Variants in MAML1 observed in about 807,000 individuals in gnomAD.
MAML1 encodes mastermind-like protein 1.
Under a neutral mutation model 77.1 loss-of-function variants are expected in MAML1, and 14 were observed. The ratio of observed to expected loss-of-function variants is 0.18; its 90% CI spans 0.12 to 0.28. The LOEUF (loss-of-function observed/expected upper bound fraction) is 0.28, where lower values mean the gene tolerates loss of function less well. Ranked by LOEUF, MAML1 falls within the 10% of genes least tolerant of loss-of-function variation. MAML1 has a pLI of 1.00. For missense variants in MAML1, 1,217 were observed against 1,327.8 expected, an observed-to-expected ratio of 0.92 and a Z score of 1.30; for synonymous variants, 516 against 551.9, an observed-to-expected ratio of 0.93 and a Z score of 0.91.
intron 1 of MAML1, among the ~76,000 whole-genome samples, chr5:179,743,836 G>A (rs1186137942): frequency 6.6e-6 from 1 of 151,860 alleles, no homozygotes; most frequent in East Asian, 1.9e-4. Context: ...TCTTATAATT[G>A]CTACATATAT....
chr5:179,749,708 G>A (rs973917933), intron 1 of MAML1, among the ~76,000 whole-genome samples: 3 of 152,178 alleles, frequency 2.0e-5, no homozygotes, highest in Non-Finnish European at 4.4e-5. Flanking sequence ...GGCCTGGGAG[G>A]CCCACAGAGG....
At chr5:179,748,950 GT>G (rs71276885) in intron 1 of MAML1, among the ~76,000 whole-genome samples, 5,555 of 107,906 alleles carry the variant, frequency 0.051, 119 homozygotes, top group African/African-American at 0.062. Context: ...AGGTGTTTTT[GT>G]TTTTTTTTTT....
chr5:179,741,683 CAA>C (rs10617185), intron 1 of MAML1, among the ~76,000 whole-genome samples: 22,966 of 88,936 alleles, frequency 0.26, 1,760 homozygotes, highest in Non-Finnish European at 0.32. Context: ...GAGACTGTCT[CAA>C]AAAAAAAAAA....
rs775301085 is a variant in MAML1, at chr5:179,732,918, C to T, written c.-195C>T. On this transcript the variant is annotated 5_prime_UTR_variant, in exon 1 of 5. Coordinates refer to ENST00000292599, the MANE Select transcript of MAML1 (RefSeq NM_014757.5). Reference sequence around the variant, plus strand: ...GGGAGAGGCCGAGGCTTGAGGTAGGCAGCAAGCGCCGGCTGGGGGTCGGGC... The same window carrying T: ...GGGAGAGGCCGAGGCTTGAGGTAGGTAGCAAGCGCCGGCTGGGGGTCGGGC... 41 of 289,478 alleles carry T rather than the reference C, an allele frequency of 1.4e-4. No individual in the cohort carries two copies. The highest frequency in any genetic ancestry group is 2.1e-4 in the Non-Finnish European group (34 of 158,140). 17.9% of individuals were successfully genotyped at this position (289,478 alleles called of 1,614,324 possible).
At chr5:179,735,662 A>G (rs553974984) in intron 1 of MAML1, among the ~76,000 whole-genome samples, 2 of 151,246 alleles carry the variant, frequency 1.3e-5, no homozygotes, top group South Asian at 2.1e-4. Context: ...AAGTGCTGGG[A>G]TTACAGGTGT....
rs1220546122 is a variant in MAML1 at position 179,775,370 on chromosome 5, A to T, written c.*493A>T. 1 of 984,830 alleles carries T rather than the reference A, an allele frequency of 1.0e-6. No homozygotes were observed. The highest frequency in any genetic ancestry group is 6.1e-5 in the Admixed American group (1 of 16,282). The allele number at this position is 984,830 out of a possible 1,614,324, so 61.0% of individuals were successfully genotyped here. A position where few individuals can be genotyped will look rare whatever the true frequency, so the allele number is the denominator to read the frequency against. The stretch of plus-strand genomic sequence containing the variant: ...AAAAGGTTTTTAAACAGATTAGGGT[A>T]GGTGATGGTTTAAATCAATTAAGTG... On this transcript the variant is annotated 3_prime_UTR_variant, in exon 5 of 5. Coordinates refer to ENST00000292599, the MANE Select transcript of MAML1 (RefSeq NM_014757.5).
chr5:179,752,096 G>A (rs1264482787), intron 1 of MAML1, among the ~76,000 whole-genome samples: 1 of 151,926 alleles, frequency 6.6e-6, no homozygotes, highest in Non-Finnish European at 1.5e-5. Context: ...GGGAGGCCGA[G>A]GTGGGTGGAT....
chr5:179,759,648 A>C (rs575799887), intron 1 of MAML1, among the ~76,000 whole-genome samples: 39 of 152,302 alleles, frequency 2.6e-4, no homozygotes, highest in African/African-American at 9.1e-4. Context: ...TGTCCTGTGG[A>C]CATACAGGGA....
chr5:179,766,358 G>A lies in MAML1; in HGVS notation c.1348G>A (p.Ala450Thr), dbSNP rs773562492. ...LDVPYPMEKP[A>T]SPSSYKQDFT... ...TGTCCCTTACCCCATGGAGAAGCCT[G>A]CCAGCCCTTCCAGCTACAAGCAAGA... The change falls in exon 2 of 5, where the codon GCC becomes ACC. Residue 450 changes from alanine (A) to threonine (T), a missense_variant. Coordinates refer to ENST00000292599, the MANE Select transcript of MAML1 (RefSeq NM_014757.5). The surrounding 1 kb of genome is among the most constrained non-coding windows in gnomAD (Gnocchi z 4.0). 1 of 1,605,958 alleles carries A rather than the reference G, an allele frequency of 6.2e-7. No individual in the cohort carries two copies. Among genetic ancestry groups the A allele is most frequent in the East Asian group, 2.2e-5 (1 of 44,772 alleles).
rs529252750 is a variant in MAML1 at position 179,774,472 on chromosome 5, C to G, written c.2646C>G (p.Ser882=). 6 of 1,613,332 alleles carry G rather than the reference C, an allele frequency of 3.7e-6. No individual in the cohort carries two copies. The African/African-American group carries it at 6.7e-5, about 18-fold the overall frequency. The part of the protein sequence containing the change: ...AHLKMSSPQF[S]QAVPNRPMAP... ...TGAAAATGTCTAGCCCGCAATTCTC[C>G]CAGGCAGTGCCCAACAGGCCCATGG... The change falls in exon 5 of 5, where the codon TCC becomes TCG. Residue 882 remains serine (S), a synonymous_variant. Transcript: ENST00000292599.
At chr5:179,746,574 C>T (rs1002328762) in intron 1 of MAML1, among the ~76,000 whole-genome samples, 53 of 151,868 alleles carry the variant, frequency 3.5e-4, no homozygotes, top group African/African-American at 1.2e-3. Context: ...GGTTTCTCCA[C>T]GTTGGTCAGG....
intron 1 of MAML1, among the ~76,000 whole-genome samples, chr5:179,747,808 C>CAAAAAAAAAAAAAAAA (rs71001044): frequency 2.4e-5 from 1 of 40,894 alleles, no homozygotes; most frequent in Non-Finnish European, 4.1e-5. Context: ...GACTCCATCT[C>CAAAAAAAAAAAAAAAA]AAAAAAAAAA....
rs1779109891 is a variant in MAML1 at position 179,733,487 on chromosome 5, C to T, written c.315+60C>T. 1.1e-5 allele frequency: 12 copies of T among 1,073,022 alleles called. No individual in the cohort carries two copies. In the South Asian group the frequency reaches 3.5e-4, roughly 32 times the overall value. 66.5% of individuals were successfully genotyped at this position (1,073,022 alleles called of 1,614,324 possible). ...GCAGCCCCCTCTCCCGAAAACGCTT[C>T]CTCTGACGCGGATCGGGCCGCTGGG... On this transcript the variant is annotated intron_variant, in intron 1 of 4. Transcript: ENST00000292599.
chr5:179,740,993 G>C (rs1779273871), intron 1 of MAML1, among the ~76,000 whole-genome samples: 1 of 152,152 alleles, frequency 6.6e-6, no homozygotes, highest in African/African-American at 2.4e-5. Flanking sequence ...CCCCAGTCCA[G>C]ATCTGTCTTC....
intron 1 of MAML1, among the ~76,000 whole-genome samples, chr5:179,739,161 G>C (rs1323932902): frequency 6.6e-6 from 1 of 151,972 alleles, no homozygotes; most frequent in Non-Finnish European, 1.5e-5. Context: ...TCAACCAACT[G>C]TAGATAGAAA....
intron 1 of MAML1, among the ~76,000 whole-genome samples, chr5:179,749,435 A>G (rs1779444671): frequency 6.6e-6 from 1 of 151,688 alleles, no homozygotes; most frequent in South Asian, 2.1e-4. Context: ...AAATTTTTGT[A>G]TTTTTAGTAC....
rs371362047 is a variant in MAML1 at position 179,774,717 on chromosome 5, G to A, written c.2891G>A (p.Arg964Gln). ...GLHCTQAYPV[R>Q]TAGQELPFAY... ...CACTGCACCCAGGCCTACCCTGTGC[G>A]GACCGCGGGCCAGGAGCTGCCTTTT... Residue 964 changes from arginine (R) to glutamine (Q), a missense_variant, in exon 5 of 5, where the codon CGG becomes CAG. Physicochemically the swap from Arg to Gln is conservative, Grantham distance 43 (BLOSUM62 1). This residue lies in a region of MAML1 where 884 missense variants were observed against 949.3 expected (regional missense o/e 0.93). Transcript: ENST00000292599. 37 of 1,610,944 alleles carry A rather than the reference G, an allele frequency of 2.3e-5. No individual in the cohort carries two copies. Among genetic ancestry groups the A allele is most frequent in the East Asian group, 8.9e-5 (4 of 44,896 alleles).
At position 179,774,139 on chromosome 5, in the gene MAML1, G is replaced by T; in HGVS notation, c.2313G>T (p.Pro771=). Residue 771 remains proline (P), a synonymous_variant, in exon 5 of 5, where the codon CCG becomes CCT. Coordinates refer to ENST00000292599, the MANE Select transcript of MAML1 (RefSeq NM_014757.5). The part of the protein sequence containing the change: ...SGITQIVAQP[P]PQATNGHAHI... ...TAACCCAGATAGTTGCCCAGCCCCCGCCACAGGCCACCAATGGACATGCCC... is the reference window on the plus strand; with the variant it reads ...TAACCCAGATAGTTGCCCAGCCCCCTCCACAGGCCACCAATGGACATGCCC... 1 of 1,613,368 alleles carries T rather than the reference G, an allele frequency of 6.2e-7. No homozygotes were observed.
At chr5:179,746,404 C>T (rs1186615190) in intron 1 of MAML1, among the ~76,000 whole-genome samples, 1 of 152,096 alleles carries the variant, frequency 6.6e-6, no homozygotes, top group African/African-American at 2.4e-5. Flanking sequence ...GACAGTTTCG[C>T]TCTTGTTGCC....
Sources: allele counts gnomAD v4.1 joint callset (sites outside exome capture counted in the v4.1 genomes callset), GRCh38; gene constraint gnomAD v4.1.1; regional missense constraint gnomAD v4.1.1; non-coding constraint Gnocchi (gnomAD v3.1); transcripts MANE v1.5; gene names NCBI Gene and HGNC (gene_info 2026-07-23, HGNC 2026-07-21).